TTC3: variants seen among roughly 807,000 people sequenced by gnomAD.
The protein encoded by TTC3 is tetratricopeptide repeat domain 3.
Under a neutral mutation model 249.6 loss-of-function variants are expected in TTC3, and 180 were observed. The ratio of observed to expected loss-of-function variants is 0.72; its 90% CI spans 0.64 to 0.82. TTC3 has a LOEUF of 0.82. Among genes scored for constraint, TTC3 ranks in the 40% least tolerant of loss-of-function variants. The probability of loss-of-function intolerance (pLI) is 0.00; values close to 1 mark genes in which losing one functional copy is unlikely to be tolerated. For synonymous variants in TTC3, 717 were observed against 805.0 expected (o/e 0.89, Z 1.85); for missense variants, 2,061 against 2,398.4 (o/e 0.86, Z 2.94).
At chr21:37,088,678 C>T (rs2072847103) in intron 4 of TTC3, 121 bp from the exon 5 acceptor site, 1 of 888,596 alleles carries the variant, frequency 1.1e-6, no homozygotes, top group Admixed American at 2.9e-5. Context: ...GTTATTGTTA[C>T]CTAGAGTGAA....
intron 13 of TTC3, among the ~76,000 whole-genome samples, chr21:37,123,807 G>A (rs2076821321): frequency 6.6e-6 from 1 of 151,782 alleles, no homozygotes; most frequent in South Asian, 2.1e-4. Flanking sequence ...GGAGTGCGGT[G>A]TTATGATGTC....
At chr21:37,120,235 C>G (rs1252985383) in intron 11 of TTC3, among the ~76,000 whole-genome samples, 1 of 152,048 alleles carries the variant, frequency 6.6e-6, no homozygotes, top group Non-Finnish European at 1.5e-5. Flanking sequence ...GTGAAAAGAC[C>G]TTTTTATTGT....
In TTC3 at chr21:37,073,469, G is replaced by A. The variant is rs544884108; in HGVS notation, c.-12+105G>A. The A allele has an allele frequency of 4.7e-5, 46 of 986,206 alleles. 1 individual carries two copies. In the South Asian group the frequency reaches 1.9e-3, roughly 40 times the overall value. 61.1% of individuals were successfully genotyped at this position (986,206 alleles called of 1,614,324 possible). A position where few individuals can be genotyped will look rare whatever the true frequency, so the allele number is the denominator to read the frequency against. ...GGCCTTCCACACCCCCTCCGTGGGT[G>A]TGTGGTGAGTGTGGGTGTGTGCGCG... On this transcript the variant is annotated intron_variant, in intron 1 of 45. It adds an upstream start codon to the 5' untranslated region. Coordinates refer to ENST00000355666, the Ensembl canonical transcript of TTC3.
At chr21:37,121,682 TA>T in intron 11 of TTC3, 134 bp from the exon 12 acceptor site, 2 of 809,214 alleles carry the variant, frequency 2.5e-6, no homozygotes, top group Non-Finnish European at 1.8e-6. Flanking sequence ...ATTTTACATT[TA>T]TTTTTCATTG....
At position 37,152,158 on chromosome 21, in the gene TTC3, T is replaced by C. The variant is rs141269241; in HGVS notation, c.2413+129T>C. 350 of 1,087,998 alleles carry C rather than the reference T, an allele frequency of 3.2e-4. 5 individuals are homozygous for C. The East Asian group carries it at 9.1e-3, about 28-fold the overall frequency. 67.4% of individuals were successfully genotyped at this position (1,087,998 alleles called of 1,614,324 possible). ...AAGATTTCACTTAGTAATTTAATACTATCACTGTCTTCTGTTACTCGAAGA... is the reference window on the plus strand; with the variant it reads ...AAGATTTCACTTAGTAATTTAATACCATCACTGTCTTCTGTTACTCGAAGA... On this transcript the variant is annotated intron_variant, in intron 26 of 45. Transcript: ENST00000355666.
At chr21:37,153,363 T>A in intron 27 of TTC3, 86 bp downstream of exon 27, 1 of 1,247,598 alleles carries the variant, frequency 8.0e-7, no homozygotes, top group Non-Finnish European at 1.1e-6. Flanking sequence ...TCCTGCCATA[T>A]AATTTATAAC....
chr21:37,185,751 T>C (rs2083192926), exon 37 of TTC3: 1 of 1,554,644 alleles, frequency 6.4e-7, no homozygotes, highest in Non-Finnish European at 8.7e-7. Flanking sequence ...ATGAATTACA[T>C]CTGGATCAGT....
At chr21:37,128,189 G>A (rs1239864538) in intron 15 of TTC3, among the ~76,000 whole-genome samples, 1 of 152,178 alleles carries the variant, frequency 6.6e-6, no homozygotes, top group Non-Finnish European at 1.5e-5. Context: ...CATTGGCTCT[G>A]ACTTGTGTCT....
intron 11 of TTC3, among the ~76,000 whole-genome samples, chr21:37,118,280 T>C (rs2076320758): frequency 6.6e-6 from 1 of 152,192 alleles, no homozygotes; most frequent in Non-Finnish European, 1.5e-5. Context: ...GTAAGTGTGT[T>C]AGTGGAATGT....
At chr21:37,115,628 G>A (rs570247660) in intron 11 of TTC3, among the ~76,000 whole-genome samples, 1 of 152,228 alleles carries the variant, frequency 6.6e-6, no homozygotes, top group South Asian at 2.1e-4. Flanking sequence ...AGATAAATGT[G>A]GTATTTTCAC....
intron 18 of TTC3, among the ~76,000 whole-genome samples, chr21:37,138,433 G>A (rs768911242): frequency 2.6e-5 from 4 of 152,140 alleles, no homozygotes; most frequent in African/African-American, 4.8e-5. Flanking sequence ...GTTTTAAATA[G>A]CAGGATAACT....
At chr21:37,198,077 A>C (rs751143735) in intron 44 of TTC3, 52 bp downstream of exon 44, 8 of 1,519,512 alleles carry the variant, frequency 5.3e-6, no homozygotes, top group Non-Finnish European at 7.1e-6. Context: ...GAAGCAAACA[A>C]AATTTTTAAT....
chr21:37,079,351 G>A (rs2071301582), intron 1 of TTC3, among the ~76,000 whole-genome samples: 1 of 151,972 alleles, frequency 6.6e-6, no homozygotes, highest in South Asian at 2.1e-4. Context: ...TTTCTTAAAA[G>A]CTTGGTGGAA....
exon 8 of TTC3, chr21:37,094,082 T>C: frequency 6.4e-7 from 1 of 1,570,818 alleles, no homozygotes; most frequent in Non-Finnish European, 8.7e-7. Context: ...TTGTATGGAT[T>C]GTATAGAGGT....
chr21:37,119,147 A>G (rs2147857250), intron 11 of TTC3, among the ~76,000 whole-genome samples: 1 of 152,280 alleles, frequency 6.6e-6, no homozygotes, highest in African/African-American at 2.4e-5. Flanking sequence ...TTCTTTAAAT[A>G]TGCTTGATCT....
chr21:37,148,271 C>T (rs948544871), intron 22 of TTC3, among the ~76,000 whole-genome samples: 12 of 152,134 alleles, frequency 7.9e-5, no homozygotes, highest in Non-Finnish European at 1.6e-4. Flanking sequence ...CTGTTAGAGA[C>T]CTAAATTTGA....
intron 28 of TTC3, chr21:37,159,433 C>T (rs1024172630): frequency 9.9e-6 from 4 of 404,786 alleles, no homozygotes; most frequent in South Asian, 3.8e-5. Context: ...TTGTGCATCT[C>T]TATTCCCAGG....
intron 2 of TTC3, 62 bp downstream of exon 2, chr21:37,087,463 GCTAT>G: frequency 6.3e-7 from 1 of 1,582,840 alleles, no homozygotes; most frequent in Non-Finnish European, 8.6e-7. Flanking sequence ...CTGGTTTAGG[GCTAT>G]CTGAGTAAAG....
chr21:37,154,464 G>A (rs1169374604), intron 27 of TTC3, among the ~76,000 whole-genome samples: 1 of 152,222 alleles, frequency 6.6e-6, no homozygotes. Flanking sequence ...TTATTTTTAA[G>A]TGACAAGATT....
Sources: allele counts gnomAD v4.1 joint callset (sites outside exome capture counted in the v4.1 genomes callset), GRCh38; gene constraint gnomAD v4.1.1; transcripts MANE v1.5; gene names NCBI Gene and HGNC (gene_info 2026-07-23, HGNC 2026-07-21).